LRRC37B: variants seen among roughly 807,000 people sequenced by gnomAD.
LRRC37B encodes leucine-rich repeat-containing protein 37B.
Under a neutral mutation model 98.3 loss-of-function variants are expected in LRRC37B, and 28 were observed. That is an observed-to-expected ratio of 0.28 (90% CI 0.21 to 0.39). The LOEUF is 0.39. Among genes scored for constraint, LRRC37B ranks in the 10% least tolerant of loss-of-function variants. The probability of loss-of-function intolerance (pLI) is 1.00; values close to 1 mark genes in which losing one functional copy is unlikely to be tolerated. For missense variants in LRRC37B, 938 were observed against 1,182.7 expected (o/e 0.79, Z 3.03); for synonymous variants, 364 against 442.7 (o/e 0.82, Z 2.23).
At chr17:32,029,200 A>G (rs1330335654) in intron 3 of LRRC37B, among the ~76,000 whole-genome samples, 3 of 151,912 alleles carry the variant, frequency 2.0e-5, no homozygotes, top group Non-Finnish European at 2.9e-5. Flanking sequence ...ACGGGGTTTC[A>G]CCTTGTTAGC....
intron 1 of LRRC37B, among the ~76,000 whole-genome samples, chr17:32,013,684 C>G (rs571845172): frequency 5.4e-4 from 81 of 151,120 alleles, no homozygotes; most frequent in African/African-American, 1.7e-3. Flanking sequence ...TTTCTTTATT[C>G]TAGTCCCCCT....
intron 7 of LRRC37B, among the ~76,000 whole-genome samples, chr17:32,044,919 TG>T: frequency 6.6e-6 from 1 of 152,266 alleles, no homozygotes; most frequent in South Asian, 2.1e-4. Context: ...CTTTTCCCTT[TG>T]ATAATTAATA....
intron 7 of LRRC37B, among the ~76,000 whole-genome samples, chr17:32,037,433 T>C (rs1468450840): frequency 6.6e-6 from 1 of 151,886 alleles, no homozygotes; most frequent in East Asian, 1.9e-4. Context: ...GCCCAGCTAA[T>C]TTTTATATTT....
intron 1 of LRRC37B, among the ~76,000 whole-genome samples, chr17:32,023,634 G>C (rs1168473620): frequency 6.6e-6 from 1 of 152,164 alleles, no homozygotes. Context: ...TAGGATTGTT[G>C]TGAAATTTAG....
At chr17:32,025,392 T>G (rs1219205763) in intron 2 of LRRC37B, among the ~76,000 whole-genome samples, 1 of 151,976 alleles carries the variant, frequency 6.6e-6, no homozygotes, top group East Asian at 1.9e-4. Flanking sequence ...AAAACCCTCC[T>G]TGTGCCCTAC....
At chr17:32,043,134 G>A (rs1255141106) in intron 7 of LRRC37B, among the ~76,000 whole-genome samples, 1 of 152,224 alleles carries the variant, frequency 6.6e-6, no homozygotes, top group African/African-American at 2.4e-5. Flanking sequence ...GAAAGGAAAT[G>A]TGGCAAAGTA....
intron 2 of LRRC37B, among the ~76,000 whole-genome samples, chr17:32,026,648 C>A (rs891924714): frequency 7.2e-5 from 11 of 152,112 alleles, no homozygotes; most frequent in Admixed American, 3.3e-4. Flanking sequence ...GGGCTGGTCT[C>A]GAACTCATGA....
intron 8 of LRRC37B, 59 bp downstream of exon 11, chr17:32,045,877 T>C: frequency 6.6e-7 from 1 of 1,512,626 alleles, no homozygotes; most frequent in Non-Finnish European, 8.9e-7. Context: ...TGTTTTTAAA[T>C]TTTTATTTTT....
chr17:32,021,600 C>T (rs777450665), exon 1 of LRRC37B: 4 of 1,614,240 alleles, frequency 2.5e-6, no homozygotes, highest in Non-Finnish European at 3.4e-6. Context: ...GCTTCCTCGC[C>T]TCAAGTGGGT....
chr17:32,021,775 A>G, exon 1 of LRRC37B: 3 of 1,614,172 alleles, frequency 1.9e-6, no homozygotes, highest in Non-Finnish European at 1.7e-6. Context: ...GGGATTCCAC[A>G]CCAATTATCC....
intron 2 of LRRC37B, among the ~76,000 whole-genome samples, chr17:32,025,093 G>A (rs1910916430): frequency 9.1e-6 from 1 of 109,650 alleles, no homozygotes; most frequent in South Asian, 3.7e-4. Flanking sequence ...CTGGAGTGCA[G>A]TGGCATAATC....
intron 2 of LRRC37B, among the ~76,000 whole-genome samples, 199 bp from the exon 6 acceptor site, chr17:32,027,570 T>C (rs559969140): frequency 6.6e-6 from 1 of 151,538 alleles, no homozygotes; most frequent in East Asian, 1.9e-4. Context: ...TGCGCTTGCC[T>C]GTGTGTGTGT....
intron 6 of LRRC37B, 28 bp downstream of exon 9, chr17:32,035,009 A>G: frequency 7.1e-7 from 1 of 1,417,696 alleles, no homozygotes; most frequent in Non-Finnish European, 9.8e-7. Flanking sequence ...CTCATGAGTC[A>G]TGAGATGATT....
chr17:32,042,020 C>T (rs1428845745), intron 7 of LRRC37B: 6 of 355,350 alleles, frequency 1.7e-5, no homozygotes, highest in Non-Finnish European at 3.4e-5. Context: ...CTGCTCCTGG[C>T]GATGAACCCT....
At chr17:32,021,214 A>G (rs1239145082) in exon 1 of LRRC37B, 2 of 1,612,858 alleles carry the variant, frequency 1.2e-6, no homozygotes, top group South Asian at 2.2e-5. Flanking sequence ...TTACTAGTCA[A>G]GGAGGCTCAG....
chr17:32,044,651 G>A (rs996654648), intron 7 of LRRC37B, among the ~76,000 whole-genome samples: 7 of 152,050 alleles, frequency 4.6e-5, no homozygotes, highest in African/African-American at 1.7e-4. Flanking sequence ...AGGCCGAGAT[G>A]GGCAAATCAC....
chr17:32,015,600 T>C (rs1351676708), intron 1 of LRRC37B, among the ~76,000 whole-genome samples: 1 of 152,190 alleles, frequency 6.6e-6, no homozygotes, highest in African/African-American at 2.4e-5. Flanking sequence ...GAAAACACTG[T>C]AATTTTTTTT....
At chr17:32,009,067 G>A (rs1361360495) in intron 1 of LRRC37B, among the ~76,000 whole-genome samples, 1 of 151,796 alleles carries the variant, frequency 6.6e-6, no homozygotes, top group Non-Finnish European at 1.5e-5. Flanking sequence ...GAAGAGTTCC[G>A]GTTGCCCTGT....
At chr17:32,024,579 A>T (rs1910889896) in intron 1 of LRRC37B, 132 bp from the exon 5 acceptor site, 1 of 1,500,586 alleles carries the variant, frequency 6.7e-7, no homozygotes, top group African/African-American at 1.4e-5. Context: ...GGAAGCTGAT[A>T]GCTCTGGAAA....
Sources: gnomAD v4.1 joint callset for allele counts (sites outside exome capture counted in the v4.1 genomes callset) on GRCh38, gnomAD v4.1.1 for gene constraint, MANE v1.5 for transcripts, NCBI Gene and HGNC (gene_info 2026-07-23, HGNC 2026-07-21) for gene names.